CCDC171: variants seen among roughly 807,000 people sequenced by gnomAD.
CCDC171 encodes coiled-coil domain containing 171.
In CCDC171, 177 loss-of-function variants were observed where a neutral mutation model predicts 168.2. The observed-to-expected ratio is 1.05, with a 90% CI of 0.93 to 1.19. The LOEUF is 1.19. CCDC171 is among the 50% of genes most tolerant of loss of function. CCDC171 has a pLI of 0.00. For missense variants in CCDC171, 1,991 were observed against 1,539.0 expected (o/e 1.29, Z -4.91); for synonymous variants, 687 against 540.8 (o/e 1.27, Z -3.75).
chr9:15,589,278 A>G (rs1259544756), intron 4 of CCDC171, among the ~76,000 whole-genome samples: 1 of 152,108 alleles, frequency 6.6e-6, no homozygotes, highest in Non-Finnish European at 1.5e-5. Context: ...CTCAGCATAG[A>G]CTTAACTCCC....
chr9:16,105,744 A>G, the CCDC171 span, among the ~76,000 whole-genome samples: 20 of 152,206 alleles, frequency 1.3e-4, no homozygotes, highest in Non-Finnish European at 1.0e-4. Flanking sequence ...CTAACTTTAA[A>G]TGCTACATTG....
chr9:15,951,543 C>T (rs13285830), intron 25 of CCDC171, among the ~76,000 whole-genome samples: 1 of 136,194 alleles, frequency 7.3e-6, no homozygotes, highest in African/African-American at 2.5e-5. Context: ...TGTTTGTTTG[C>T]TTGTTTTTTT....
chr9:16,053,017 G>A (rs779075026), intron 1 of CCDC171, among the ~76,000 whole-genome samples: 3 of 152,138 alleles, frequency 2.0e-5, no homozygotes, highest in Non-Finnish European at 4.4e-5. Flanking sequence ...TGCATACATT[G>A]TTGCTGGAAC....
At chr9:16,027,767 G>T (rs1159365744) in intron 6 of CCDC171, among the ~76,000 whole-genome samples, 1 of 152,174 alleles carries the variant, frequency 6.6e-6, no homozygotes, top group Non-Finnish European at 1.5e-5. Context: ...AGGGACGGCA[G>T]CCCTGATTAA....
At chr9:16,042,304 A>G (rs1222897455), upstream of CCDC171, among the ~76,000 whole-genome samples, 5 of 152,202 alleles carry the variant, frequency 3.3e-5, no homozygotes, top group Non-Finnish European at 2.9e-5. Context: ...GGAATGAGGC[A>G]TGAAAGAGAA....
intron 3 of CCDC171, among the ~76,000 whole-genome samples, chr9:15,988,118 T>A (rs73413946): frequency 2.0e-5 from 3 of 152,068 alleles, no homozygotes; most frequent in African/African-American, 7.3e-5. Context: ...GTGAAAAAAA[T>A]TGTGTTCAGG....
At chr9:15,623,464 T>TCGCGCGCGCGCGC (rs1554714740) in intron 7 of CCDC171, 51 bp downstream of exon 7, 1 of 741,878 alleles carries the variant, frequency 1.3e-6, no homozygotes, top group Non-Finnish European at 2.0e-6. Context: ...CTTTCACATA[T>TCGCGCGCGCGCGC]GCGCGCGCGC....
chr9:15,771,433 T>C (rs1248952037), intron 18 of CCDC171, among the ~76,000 whole-genome samples: 1 of 152,148 alleles, frequency 6.6e-6, no homozygotes, highest in Non-Finnish European at 1.5e-5. Flanking sequence ...CTTTGATTGG[T>C]AGTTAGGTTG....
chr9:16,085,049 G>A, the CCDC171 span, among the ~76,000 whole-genome samples: 1 of 152,216 alleles, frequency 6.6e-6, no homozygotes, highest in South Asian at 2.1e-4. Context: ...ATTACATTAT[G>A]ACAACCAGTC....
At chr9:15,782,161 A>G (rs2057699487) in intron 20 of CCDC171, among the ~76,000 whole-genome samples, 1 of 152,218 alleles carries the variant, frequency 6.6e-6, no homozygotes, top group African/African-American at 2.4e-5. Flanking sequence ...GAAAAAGTGT[A>G]TTGGAGAGAA....
intron 21 of CCDC171, among the ~76,000 whole-genome samples, chr9:15,803,048 A>G (rs546551753): frequency 6.6e-6 from 1 of 152,282 alleles, no homozygotes; most frequent in South Asian, 2.1e-4. Flanking sequence ...TGCCACATGA[A>G]TGTTTTCTTT....
chr9:15,706,853 A>T (rs927370202), intron 11 of CCDC171, among the ~76,000 whole-genome samples: 2 of 152,214 alleles, frequency 1.3e-5, no homozygotes, highest in Admixed American at 1.3e-4. Context: ...GGATCCCAGG[A>T]AATAAAAGCA....
At chr9:15,655,735 A>G (rs1587771372) in intron 7 of CCDC171, among the ~76,000 whole-genome samples, 1 of 152,240 alleles carries the variant, frequency 6.6e-6, no homozygotes, top group African/African-American at 2.4e-5. Flanking sequence ...GCTCAATTAA[A>G]AAATGGTGAA....
the CCDC171 span, among the ~76,000 whole-genome samples, chr9:16,085,363 A>G: frequency 6.6e-6 from 1 of 152,282 alleles, no homozygotes; most frequent in East Asian, 1.9e-4. Context: ...CAAGCTGCTG[A>G]CCTCAGCTGC....
At chr9:16,054,580 A>C (rs1281085079) in intron 1 of CCDC171, among the ~76,000 whole-genome samples, 1 of 152,216 alleles carries the variant, frequency 6.6e-6, no homozygotes, top group African/African-American at 2.4e-5. Context: ...TAACTGTGAC[A>C]GGCCTCCTAC....
intron 18 of CCDC171, among the ~76,000 whole-genome samples, chr9:15,760,565 C>A (rs766538001): frequency 6.6e-6 from 1 of 152,148 alleles, no homozygotes; most frequent in Non-Finnish European, 1.5e-5. Context: ...CCTAGCTTTT[C>A]TTTACATTAA....
chr9:15,584,990 A>G (rs990119786), intron 4 of CCDC171, among the ~76,000 whole-genome samples: 1 of 152,228 alleles, frequency 6.6e-6, no homozygotes, highest in African/African-American at 2.4e-5. Flanking sequence ...AATCAGAGGA[A>G]AAATGCGTAA....
At chr9:15,865,287 A>G (rs1293592907) in intron 23 of CCDC171, among the ~76,000 whole-genome samples, 1 of 152,098 alleles carries the variant, frequency 6.6e-6, no homozygotes, top group Non-Finnish European at 1.5e-5. Flanking sequence ...AGTATGTATA[A>G]TGTTCCAGAA....
intron 23 of CCDC171, among the ~76,000 whole-genome samples, chr9:15,851,627 TA>T (rs537063836): frequency 5.7e-4 from 86 of 152,038 alleles, no homozygotes; most frequent in Non-Finnish European, 1.0e-3. Context: ...TTAACCATTT[TA>T]AAGTGCACAG....
Sources: gnomAD v4.1 joint callset for allele counts (sites outside exome capture counted in the v4.1 genomes callset) on GRCh38, gnomAD v4.1.1 for gene constraint, MANE v1.5 for transcripts, NCBI Gene and HGNC (gene_info 2026-07-23, HGNC 2026-07-21) for gene names.